Variants in BOC observed in about 807,000 individuals in gnomAD.
BOC encodes the protein brother of CDO.
BOC carries 76 observed loss-of-function variants against 112.0 expected under a neutral mutation model. That is an observed-to-expected ratio of 0.68 (90% CI 0.56 to 0.82). BOC has a LOEUF of 0.82. Among genes scored for constraint, BOC ranks in the 40% least tolerant of loss-of-function variants. BOC has a pLI of 0.00. For missense variants in BOC, 1,309 were observed against 1,511.7 expected (o/e 0.87, Z 2.22); for synonymous variants, 580 against 599.8 (o/e 0.97, Z 0.48).
intron 2 of BOC, among the ~76,000 whole-genome samples, chr3:113,220,144 T>C (rs1940318350): frequency 6.6e-6 from 1 of 152,140 alleles, no homozygotes; most frequent in Non-Finnish European, 1.5e-5. Context: ...GACAGGTAAC[T>C]GACAGAAGAT....
chr3:113,257,665 C>T (rs1389270043), intron 4 of BOC, among the ~76,000 whole-genome samples: 3 of 148,846 alleles, frequency 2.0e-5, no homozygotes, highest in South Asian at 4.1e-4. Flanking sequence ...ATTTATCTTT[C>T]ATTTCCAACA....
intron 2 of BOC, 30 bp downstream of exon 2, chr3:113,216,304 G>T (rs769607293): frequency 4.4e-6 from 2 of 456,142 alleles, no homozygotes; most frequent in South Asian, 3.1e-5. Flanking sequence ...CAGTCTGATA[G>T]CTCTGGCCTA....
In BOC at chr3:113,283,443, C is replaced by T. The variant is rs1350997097; in HGVS notation, c.2467C>T (p.Pro823Ser). ...GTCTTCTGGCCAGCCTGGTCGACTG[C>T]CACCCCCAACTCTGGCCCCACCACA... ...RKSSGQPGRL[P>S]PPTLAPPQPP... Residue 823 changes from proline to serine, a missense_variant, in exon 16 of 20, where the codon CCA (proline) becomes TCA (serine). Physicochemically the swap from Pro to Ser is moderately conservative, Grantham distance 74. Transcript: ENST00000682979. 2 of 1,608,934 alleles carry T rather than the reference C, an allele frequency of 1.2e-6. No homozygotes were observed. The highest frequency in any genetic ancestry group is 2.2e-5 in the East Asian group (1 of 44,696).
chr3:113,221,928 A>G (rs995159267), intron 2 of BOC, among the ~76,000 whole-genome samples: 7 of 151,896 alleles, frequency 4.6e-5, no homozygotes, highest in Admixed American at 1.3e-4. Context: ...TGCTGCTCAC[A>G]CTGGCTGGGC....
At chr3:113,252,067 A>G (rs1464745282) in intron 4 of BOC, 1 of 152,000 alleles carries the variant, frequency 6.6e-6, no homozygotes, top group Non-Finnish European at 1.5e-5. Flanking sequence ...CTGATTTTCT[A>G]CTCATTGTAT....
At chr3:113,222,705 G>C (rs961858654) in intron 2 of BOC, among the ~76,000 whole-genome samples, 4 of 150,548 alleles carry the variant, frequency 2.7e-5, no homozygotes, top group African/African-American at 9.8e-5. Flanking sequence ...GGAGACGCAG[G>C]GGGGTGCCCA....
chr3:113,246,486 A>T (rs1944937102), intron 2 of BOC, among the ~76,000 whole-genome samples: 2 of 152,180 alleles, frequency 1.3e-5, no homozygotes, highest in South Asian at 4.1e-4. Flanking sequence ...TTTTTTCCCG[A>T]AACATTAAAA....
At chr3:113,251,083 G>T in intron 4 of BOC, 1 of 605,178 alleles carries the variant, frequency 1.7e-6, no homozygotes, top group Admixed American at 3.0e-5. Context: ...GAATTGGTCA[G>T]TGCATGGCAG....
At chr3:113,250,862 T>C (rs371427108) in intron 4 of BOC, 29 bp downstream of exon 4, 32 of 1,610,202 alleles carry the variant, frequency 2.0e-5, no homozygotes, top group Non-Finnish European at 2.5e-5. Context: ...CTCCCTGCCA[T>C]GGTGCGGTCC....
intron 2 of BOC, among the ~76,000 whole-genome samples, chr3:113,245,085 C>G (rs1489455708): frequency 6.6e-6 from 1 of 152,044 alleles, no homozygotes; most frequent in African/African-American, 2.4e-5. Flanking sequence ...AGGCATTACT[C>G]TACGATACTT....
At position 113,286,905 on chromosome 3, in the gene BOC, T is replaced by TAA; in HGVS notation, c.*43_*44insAA. 4 of 1,466,658 alleles carry TAA rather than the reference T, an allele frequency of 2.7e-6. No individual in the cohort carries two copies. Among genetic ancestry groups the TAA allele is most frequent in the East Asian group, 2.5e-5 (1 of 40,616 alleles). The allele number at this position is 1,466,658 out of a possible 1,614,324, so 90.9% of individuals were successfully genotyped here. A position where few individuals can be genotyped will look rare whatever the true frequency, so the allele number is the denominator to read the frequency against. On this transcript the variant is annotated 3_prime_UTR_variant, in exon 20 of 20. Transcript: ENST00000682979. ...AGAAAGACTATATATTGTTTTTTTT[T>TAA]TAAAAAAAAAAAGAAGAAAAAAGAG...
intron 2 of BOC, among the ~76,000 whole-genome samples, chr3:113,223,294 T>G (rs1177499457): frequency 6.6e-6 from 1 of 152,180 alleles, no homozygotes; most frequent in Non-Finnish European, 1.5e-5. Context: ...TAAAAACAAT[T>G]TCAGGTTTAT....
At chr3:113,258,299 A>G (rs1028317388) in intron 4 of BOC, among the ~76,000 whole-genome samples, 1 of 152,158 alleles carries the variant, frequency 6.6e-6, no homozygotes, top group Non-Finnish European at 1.5e-5. Context: ...TTATTTCCAT[A>G]GTGAGATATT....
At chr3:113,262,890 A>T (rs1576448695) in intron 4 of BOC, among the ~76,000 whole-genome samples, 1 of 151,952 alleles carries the variant, frequency 6.6e-6, no homozygotes, top group Non-Finnish European at 1.5e-5. Flanking sequence ...AGTGTCAGGG[A>T]CCCTTTGTCT....
intron 6 of BOC, 92 bp downstream of exon 6, chr3:113,271,036 C>T (rs761428909): frequency 2.6e-6 from 4 of 1,560,378 alleles, no homozygotes; most frequent in Admixed American, 3.3e-5. Context: ...GGAGGTGCCA[C>T]ATCCAAGCTC....
chr3:113,263,754 GA>G (rs1168031128), intron 4 of BOC, among the ~76,000 whole-genome samples: 4 of 152,218 alleles, frequency 2.6e-5, no homozygotes, highest in African/African-American at 9.6e-5. Context: ...ATAAAGGAAA[GA>G]TAGAGACTAG....
chr3:113,246,255 T>C (rs1313381256), intron 2 of BOC, among the ~76,000 whole-genome samples: 5 of 152,184 alleles, frequency 3.3e-5, no homozygotes, highest in Admixed American at 6.5e-5. Context: ...TAGGCCTCAA[T>C]GAGGTGTCAA....
chr3:113,275,664 T>C (rs937262795), intron 9 of BOC, among the ~76,000 whole-genome samples: 2 of 152,228 alleles, frequency 1.3e-5, no homozygotes, highest in African/African-American at 4.8e-5. Context: ...GTGCACTTGA[T>C]GGAAAGCATA....
chr3:113,273,477 C>G, intron 8 of BOC, 136 bp downstream of exon 8: 1 of 953,434 alleles, frequency 1.0e-6, no homozygotes, highest in Middle Eastern at 3.1e-4. Flanking sequence ...TTTATATGAA[C>G]TTAATAAATC....
Sources: gnomAD v4.1 joint callset for allele counts (sites outside exome capture counted in the v4.1 genomes callset) on GRCh38, gnomAD v4.1.1 for gene constraint, MANE v1.5 for transcripts, NCBI Gene and HGNC (gene_info 2026-07-23, HGNC 2026-07-21) for gene names.